Variants in OPN3 observed in about 807,000 individuals in gnomAD.
OPN3 encodes opsin 3, also known as opsin-3.
In OPN3, 29 loss-of-function variants were observed where a neutral mutation model predicts 33.8. That is an observed-to-expected ratio of 0.86 (90% CI 0.64 to 1.17). OPN3 has a LOEUF of 1.17. Among genes scored for constraint, OPN3 ranks in the 50% most tolerant of loss-of-function variants. The pLI, the probability that OPN3 is intolerant of heterozygous loss-of-function variation, is 0.00. For missense variants in OPN3, 437 were observed against 514.1 expected, an observed-to-expected ratio of 0.85 and a Z score of 1.45; for synonymous variants, 216 against 216.1, an observed-to-expected ratio of 1.00 and a Z score of 0.00.
At chr1:241,622,566 G>A (rs1664294086) in intron 1 of OPN3, among the ~76,000 whole-genome samples, 1 of 152,102 alleles carries the variant, frequency 6.6e-6, no homozygotes, top group South Asian at 2.1e-4. Flanking sequence ...AGTGCTGCCT[G>A]GTGATCCACA....
intron 2 of OPN3, among the ~76,000 whole-genome samples, chr1:241,599,462 G>A (rs936161490): frequency 6.6e-6 from 1 of 151,240 alleles, no homozygotes; most frequent in East Asian, 2.0e-4. Context: ...GTGCAGAAAG[G>A]TAAATAATTT....
intron 1 of OPN3, among the ~76,000 whole-genome samples, chr1:241,613,472 T>G (rs1363483499): frequency 6.6e-6 from 1 of 152,334 alleles, no homozygotes; most frequent in African/African-American, 2.4e-5. Flanking sequence ...ATCAAAAATT[T>G]TATATTAGTG....
At chr1:241,628,015 T>C (rs1405314119) in intron 1 of OPN3, among the ~76,000 whole-genome samples, 1 of 152,200 alleles carries the variant, frequency 6.6e-6, no homozygotes, top group African/African-American at 2.4e-5. Context: ...AAAAAGTTTC[T>C]GATTAATGTG....
At chr1:241,625,283 G>T (rs1021873781) in intron 1 of OPN3, among the ~76,000 whole-genome samples, 3 of 152,086 alleles carry the variant, frequency 2.0e-5, no homozygotes, top group Non-Finnish European at 2.9e-5. Flanking sequence ...AATTATGGAT[G>T]GTTTATTTAG....
At chr1:241,629,742 A>T (rs902949502) in intron 1 of OPN3, 2 of 152,106 alleles carry the variant, frequency 1.3e-5, no homozygotes, top group African/African-American at 4.8e-5. Context: ...TCACATGTAA[A>T]GTGGATCTAA....
Position 241,597,657 on chromosome 1 carries a change from C to T in OPN3, c.945+89G>A, listed in dbSNP as rs79917733. 3,438 of 1,220,922 alleles carry T rather than the reference C, an allele frequency of 2.8e-3. 89 individuals carry two copies. The African/African-American group carries it at 0.049, about 17-fold the overall frequency. The allele number at this position is 1,220,922 out of a possible 1,614,324, so 75.6% of individuals were successfully genotyped here. ...ATTCTTGTTTTTTTTTTAATTGAAG[C>T]GACTCTGAATCACCTCTGTAAAAGT... On this transcript the variant is annotated intron_variant, in intron 3 of 3. Transcript: ENST00000366554.
intron 1 of OPN3, chr1:241,631,121 GA>G (rs1664618261): frequency 6.6e-6 from 1 of 152,172 alleles, no homozygotes; most frequent in East Asian, 1.9e-4. Context: ...CAACCTGTCA[GA>G]AAATTATACT....
intron 1 of OPN3, among the ~76,000 whole-genome samples, chr1:241,608,589 G>A (rs1663900795): frequency 6.6e-6 from 1 of 152,212 alleles, no homozygotes; most frequent in Non-Finnish European, 1.5e-5. Context: ...GTCAGGAAAA[G>A]ACCCATTGCA....
At chr1:241,627,871 T>C (rs1664466841) in intron 1 of OPN3, among the ~76,000 whole-genome samples, 1 of 152,198 alleles carries the variant, frequency 6.6e-6, no homozygotes, top group Non-Finnish European at 1.5e-5. Flanking sequence ...ATAAAATTAA[T>C]CTTAATCAGA....
chr1:241,611,103 C>T (rs1458428770), intron 1 of OPN3, among the ~76,000 whole-genome samples: 1 of 152,108 alleles, frequency 6.6e-6, no homozygotes, highest in East Asian at 1.9e-4. Flanking sequence ...AATATCAATA[C>T]AACTCTGGAG....
At chr1:241,626,286 A>G (rs1266702530) in intron 1 of OPN3, among the ~76,000 whole-genome samples, 1 of 152,196 alleles carries the variant, frequency 6.6e-6, no homozygotes, top group Non-Finnish European at 1.5e-5. Context: ...TGGTCTTTCA[A>G]TTAGCAAATC....
At chr1:241,602,343 A>T (rs1663699096) in intron 2 of OPN3, among the ~76,000 whole-genome samples, 1 of 152,234 alleles carries the variant, frequency 6.6e-6, no homozygotes, top group African/African-American at 2.4e-5. Context: ...GGGATCACAT[A>T]TCTGGGAGCT....
At chr1:241,611,925 G>A (rs1489161807) in intron 1 of OPN3, among the ~76,000 whole-genome samples, 4 of 152,188 alleles carry the variant, frequency 2.6e-5, no homozygotes, top group African/African-American at 9.7e-5. Flanking sequence ...ACTGTGATAA[G>A]GAATGAAACT....
chr1:241,639,731 C>T, intron 1 of OPN3, 151 bp downstream of exon 1: 2 of 754,274 alleles, frequency 2.7e-6, no homozygotes, highest in South Asian at 4.9e-5. Context: ...GTTGAGGAGG[C>T]GAGCGGGGAG....
chr1:241,628,928 C>T (rs1447781328), intron 1 of OPN3: 1 of 152,436 alleles, frequency 6.6e-6, no homozygotes, highest in African/African-American at 2.4e-5. Flanking sequence ...AAATAAAGAA[C>T]CCCTAATGTT....
chr1:241,631,310 G>T (rs1377649688), intron 1 of OPN3: 1 of 151,458 alleles, frequency 6.6e-6, no homozygotes, highest in Non-Finnish European at 1.5e-5. Flanking sequence ...ACTTCTGATT[G>T]TTCCTTTTCT....
At chr1:241,636,209 T>C in intron 1 of OPN3, 2 of 395,570 alleles carry the variant, frequency 5.1e-6, no homozygotes, top group South Asian at 1.4e-4. Flanking sequence ...TCTTAAATGC[T>C]TTCTCACATA....
rs1663385011 is a variant in OPN3 at position 241,593,300 on chromosome 1, A to G, written c.*1128T>C. The stretch of plus-strand genomic sequence containing the variant: ...ACTACATACTGCAGCAGAACCAGCA[A>G]TACACTTGATTTTTAAAAGCACATT... On this transcript the variant is annotated 3_prime_UTR_variant, in exon 4 of 4. Coordinates refer to ENST00000366554, the MANE Select transcript of OPN3 (RefSeq NM_014322.3). The G allele has an allele frequency of 2.5e-6, 1 of 402,164 alleles. No homozygotes were observed. Among genetic ancestry groups the G allele is most frequent in the African/African-American group, 2.0e-5 (1 of 49,188 alleles). 24.9% of individuals were successfully genotyped at this position (402,164 alleles called of 1,614,324 possible).
At chr1:241,596,554 G>C (rs937875838) in intron 3 of OPN3, among the ~76,000 whole-genome samples, 1 of 152,210 alleles carries the variant, frequency 6.6e-6, no homozygotes, top group African/African-American at 2.4e-5. Flanking sequence ...AAGAGGCAGA[G>C]AGATTTAGCA....
Sources: gnomAD v4.1 joint callset for allele counts (sites outside exome capture counted in the v4.1 genomes callset) on GRCh38, gnomAD v4.1.1 for gene constraint, MANE v1.5 for transcripts, NCBI Gene and HGNC (gene_info 2026-07-23, HGNC 2026-07-21) for gene names.